Variants in NCAPD2 observed in about 807,000 individuals in gnomAD.
NCAPD2 encodes the protein condensin complex subunit 1.
In NCAPD2, 100 loss-of-function variants were observed where a neutral mutation model predicts 164.5. That is an observed-to-expected ratio of 0.61 (90% confidence interval 0.52 to 0.72). The LOEUF is 0.72. Ranked by LOEUF, NCAPD2 falls within the 30% of genes least tolerant of loss-of-function variation. The pLI is 0.00. For missense variants in NCAPD2, 1,560 were observed against 1,749.2 expected (o/e 0.89, Z 1.93); for synonymous variants, 585 against 642.6 (o/e 0.91, Z 1.36).
At chr12:6,497,254 A>G (rs963149703) in intron 2 of NCAPD2, among the ~76,000 whole-genome samples, 2 of 150,528 alleles carry the variant, frequency 1.3e-5, no homozygotes, top group Non-Finnish European at 3.0e-5. Context: ...ATGACAAACT[A>G]CTCTTCACTT....
chr12:6,526,312 C>G lies in NCAPD2; in HGVS notation c.2507C>G (p.Pro836Arg), dbSNP rs73259178. 9.9e-6 allele frequency: 16 copies of G among 1,614,082 alleles called. No homozygotes were observed. The Admixed American group carries it at 1.2e-4, about 12-fold the overall frequency. ...CCTTCTCTGGGCAAACGTCACCCCC[C>G]CTTCCGGCTGCCTCAGGAACACAGG... Reference protein sequence around the residue: ...RKPSLGKRHPPFRLPQEHRLF... With the variant: ...RKPSLGKRHPRFRLPQEHRLF... Residue 836 changes from proline (P) to arginine (R), a missense_variant, in exon 20 of 32, where the codon CCC becomes CGC. By Grantham distance (103) the Pro-to-Arg change is moderately radical. Transcript: ENST00000315579.
rs751101647 is a variant in NCAPD2, at chr12:6,528,277, C to T, written c.3248C>T (p.Ala1083Val). 6.2e-7 allele frequency: 1 copy of T among 1,613,836 alleles called. No homozygotes were observed. The highest frequency in any genetic ancestry group is 2.2e-5 in the East Asian group (1 of 44,890). ...SNLMVATGDL[A>V]IRFPNLVDPW... ...CTCATGGTTGCCACTGGGGATCTGG[C>T]CATCCGCTTTCCCAATCTGGTGGAC... The change falls in exon 25 of 32, where the codon GCC becomes GTC. Residue 1083 changes from alanine (A) to valine (V), a missense_variant. Transcript: ENST00000315579. The surrounding 1 kb of genome is among the most constrained non-coding windows in gnomAD (Gnocchi z 5.1).
At chr12:6,504,092 T>G (rs539341108) in intron 2 of NCAPD2, among the ~76,000 whole-genome samples, 222 of 151,394 alleles carry the variant, frequency 1.5e-3, no homozygotes, top group African/African-American at 5.0e-3. Flanking sequence ...ACATGAATTA[T>G]GAGGGGCACA....
At chr12:6,510,968 T>C in intron 5 of NCAPD2, 142 bp from the exon 6 acceptor site, 1 of 1,270,370 alleles carries the variant, frequency 7.9e-7, no homozygotes, top group Non-Finnish European at 1.1e-6. Context: ...CCTGGACAAG[T>C]AGCGCTGTGG....
chr12:6,528,817 T>C lies in NCAPD2; in HGVS notation c.3438T>C (p.Ala1146=), dbSNP rs757495774. 7 of 1,614,006 alleles carry C rather than the reference T, an allele frequency of 4.3e-6. No individual in the cohort carries two copies. The Admixed American group carries it at 1.2e-4, about 27-fold the overall frequency. The change falls in exon 26 of 32, where the codon GCT becomes GCC. Residue 1146 remains alanine, a synonymous_variant. Coordinates refer to ENST00000315579, the MANE Select transcript of NCAPD2 (RefSeq NM_014865.4). This position sits in a 1 kb window ranked among gnomAD's most constrained non-coding sequence, Gnocchi z 5.1. The part of the protein sequence containing the change: ...VLLIDPEPQI[A]ALAKNFFNEL... ...TCATCGACCCCGAGCCTCAGATTGC[T>C]GCCCTGGCCAAGAACTTCTTCAATG...
chr12:6,510,298 T>G (rs1349697856), intron 4 of NCAPD2, 165 bp downstream of exon 4: 5 of 845,054 alleles, frequency 5.9e-6, no homozygotes, highest in Non-Finnish European at 1.0e-5. Context: ...GTTAAAGGTC[T>G]GTAATCTTGG....
At chr12:6,510,552 G>A (rs945501665) in intron 4 of NCAPD2, 77 bp from the exon 5 acceptor site, 3 of 1,484,616 alleles carry the variant, frequency 2.0e-6, no homozygotes, top group Non-Finnish European at 2.8e-6. Context: ...TCTGATGGCT[G>A]CAAGTGCTGG....
chr12:6,531,388 A>G lies in NCAPD2; in HGVS notation c.4182A>G (p.Ala1394=), dbSNP rs1415884003. 1.9e-6 allele frequency: 3 copies of G among 1,613,828 alleles called. No homozygotes were observed. The highest frequency in any genetic ancestry group is 2.7e-5 in the African/African-American group (2 of 74,908). ...TPKKTTPILR[A]SARRHRS is the part of the protein sequence containing the mutation. ...AGAAAACAACTCCCATTCTCAGAGC[A>G]TCGGCTCGCAGGCACAGATCCTAGG... is the stretch of plus-strand genomic sequence containing the variant. The change falls in exon 32 of 32, where the codon GCA becomes GCG. Residue 1394 remains alanine (A), a synonymous_variant. Coordinates refer to ENST00000315579, the MANE Select transcript of NCAPD2 (RefSeq NM_014865.4). The surrounding 1 kb of genome is among the most constrained non-coding windows in gnomAD (Gnocchi z 4.1).
Position 6,517,906 on chromosome 12 carries a change from A to G in NCAPD2, c.1536A>G (p.Thr512=), listed in dbSNP as rs1482245135. 1 of 1,614,168 alleles carries G rather than the reference A, an allele frequency of 6.2e-7. No individual in the cohort carries two copies. The highest frequency in any genetic ancestry group is 8.5e-7 in the Non-Finnish European group (1 of 1,180,030). The part of the protein sequence containing the change: ...EIPEQIANTE[T]TEDVKGRIYQ... ...CTGAGCAAATTGCCAATACAGAGAC[A>G]ACTGAAGATGTGAAAGGACGCATCT... The change falls in exon 13 of 32, where the codon ACA becomes ACG. Residue 512 remains threonine, a synonymous_variant. Transcript: ENST00000315579.
At chr12:6,523,453 A>T in intron 17 of NCAPD2, 107 bp downstream of exon 17, 1 of 909,526 alleles carries the variant, frequency 1.1e-6, no homozygotes, top group Non-Finnish European at 1.6e-6. Context: ...GCTGGAGTGC[A>T]ATGGCACAAT....
At chr12:6,499,085 G>T (rs1946010650) in intron 2 of NCAPD2, among the ~76,000 whole-genome samples, 1 of 152,114 alleles carries the variant, frequency 6.6e-6, no homozygotes, top group Admixed American at 6.6e-5. Context: ...GTGTGGATAT[G>T]TTGGACAAAG....
intron 6 of NCAPD2, among the ~76,000 whole-genome samples, chr12:6,512,033 G>A (rs1431363948): frequency 6.6e-6 from 1 of 151,822 alleles, no homozygotes; most frequent in Non-Finnish European, 1.5e-5. Flanking sequence ...TGTAATCCCA[G>A]CACTTTGGGA....
chr12:6,521,702 G>A, intron 14 of NCAPD2, 96 bp from the exon 15 acceptor site: 1 of 1,452,874 alleles, frequency 6.9e-7, no homozygotes, highest in Non-Finnish European at 9.3e-7. Context: ...AAAGAAGAAG[G>A]AAAATAAATA....
intron 6 of NCAPD2, 92 bp from the exon 7 acceptor site, chr12:6,514,173 G>T: frequency 6.5e-7 from 1 of 1,527,230 alleles, no homozygotes; most frequent in South Asian, 1.1e-5. Context: ...CCCTGACTTT[G>T]GGAGCAGTAG....
chr12:6,526,087 G>A lies in NCAPD2; in HGVS notation c.2368G>A (p.Gly790Arg), dbSNP rs1461455282. ...CCCTAGAGGAAAGCCAGAAATTGTG[G>A]GAAGCAATTTAGACACACTGGTGAG... ...MMARGKPEIV[G>R]SNLDTLVSIG... The change falls in exon 19 of 32, where the codon GGA (glycine) becomes AGA (arginine). Residue 790 changes from glycine to arginine, a missense_variant. Transcript: ENST00000315579. 2 of 1,613,966 alleles carry A rather than the reference G, an allele frequency of 1.2e-6. No homozygotes were observed. The highest frequency in any genetic ancestry group is 4.5e-5 in the East Asian group (2 of 44,884).
intron 10 of NCAPD2, 52 bp downstream of exon 10, chr12:6,517,077 G>A (rs760295107): frequency 2.5e-6 from 4 of 1,575,964 alleles, no homozygotes; most frequent in Non-Finnish European, 3.5e-6. Flanking sequence ...ATATACCAGT[G>A]TAAAGAGGAA....
At chr12:6,519,063 T>A (rs972813710) in intron 13 of NCAPD2, among the ~76,000 whole-genome samples, 15 of 151,894 alleles carry the variant, frequency 9.9e-5, no homozygotes, top group African/African-American at 2.2e-4. Context: ...TTTTTTTTTT[T>A]ATATTTTTAG....
chr12:6,529,456 A>C (rs1946350873), intron 27 of NCAPD2, 57 bp from the exon 28 acceptor site: 13 of 1,492,840 alleles, frequency 8.7e-6, no homozygotes, highest in Non-Finnish European at 1.1e-5. Flanking sequence ...GGTTGGTCTT[A>C]GTGGATGGCA....
intron 5 of NCAPD2, 130 bp downstream of exon 5, chr12:6,510,940 A>G (rs1470959013): frequency 1.3e-5 from 17 of 1,321,528 alleles, no homozygotes; most frequent in Admixed American, 9.0e-5. Flanking sequence ...AGAACTCAAA[A>G]GTGTCACACG....
Sources: gnomAD v4.1 joint callset for allele counts (sites outside exome capture counted in the v4.1 genomes callset) on GRCh38, gnomAD v4.1.1 for gene constraint, Gnocchi (gnomAD v3.1) non-coding constraint, MANE v1.5 for transcripts, NCBI Gene and HGNC (gene_info 2026-07-23, HGNC 2026-07-21) for gene names.